Variants in C9orf152 observed in about 807,000 individuals in gnomAD.
The protein encoded by C9orf152 is chromosome 9 open reading frame 152.
In C9orf152, 8 loss-of-function variants were observed where a neutral mutation model predicts 8.5. The ratio of observed to expected loss-of-function variants is 0.94; its 90% CI spans 0.55 to 1.70. The LOEUF is 1.70. Ranked by LOEUF, C9orf152 falls within the 40% of genes most tolerant of loss-of-function variation. The pLI, the probability that C9orf152 is intolerant of heterozygous loss-of-function variation, is 0.00. For synonymous variants in C9orf152, 109 were observed against 113.0 expected (o/e 0.96, Z 0.22); for missense variants, 293 against 286.2 (o/e 1.02, Z -0.17).
chr9:110,204,179 C>T (rs1837250375), intron 1 of C9orf152, among the ~76,000 whole-genome samples: 1 of 152,206 alleles, frequency 6.6e-6, no homozygotes, highest in Non-Finnish European at 1.5e-5. Flanking sequence ...CACACAGTGT[C>T]TGACTGTGAC....
At chr9:110,204,201 C>A (rs1837250561) in intron 1 of C9orf152, among the ~76,000 whole-genome samples, 1 of 152,172 alleles carries the variant, frequency 6.6e-6, no homozygotes, top group Non-Finnish European at 1.5e-5. Context: ...AAAGCATATT[C>A]CTTTTGGACA....
intron 1 of C9orf152, among the ~76,000 whole-genome samples, chr9:110,204,215 A>G (rs1209901646): frequency 1.3e-5 from 2 of 152,182 alleles, no homozygotes; most frequent in South Asian, 2.1e-4. Context: ...TTGGACACCA[A>G]TCACTGGGAG....
intron 1 of C9orf152, among the ~76,000 whole-genome samples, chr9:110,206,761 T>G (rs1015301337): frequency 6.6e-6 from 1 of 152,220 alleles, no homozygotes; most frequent in Admixed American, 6.5e-5. Context: ...TCCCTCAACC[T>G]GTTCCTCTGT....
Position 110,207,846 on chromosome 9 carries a change from G to T in C9orf152, c.-267C>A. 1 of 419,190 alleles carries T rather than the reference G, an allele frequency of 2.4e-6. No homozygotes were observed. Among genetic ancestry groups the T allele is most frequent in the Non-Finnish European group, 4.2e-6 (1 of 237,806 alleles). The allele number at this position is 419,190 out of a possible 1,614,324, so 26.0% of individuals were successfully genotyped here. On this transcript the variant is annotated 5_prime_UTR_variant, in exon 1 of 2. Transcript: ENST00000400613. ...AAGGAAATGTCAGAGGAAAGAAGGG[G>T]CAGCGAAGGGGGAAAGACTGGAGGA...
intron 1 of C9orf152, among the ~76,000 whole-genome samples, chr9:110,205,967 G>T (rs1473768109): frequency 1.3e-5 from 2 of 151,858 alleles, no homozygotes; most frequent in Admixed American, 6.6e-5. Context: ...GAGGCAGGGA[G>T]AATTGCCTGA....
chr9:110,205,628 C>A (rs1837265826), intron 1 of C9orf152, among the ~76,000 whole-genome samples: 1 of 152,132 alleles, frequency 6.6e-6, no homozygotes, highest in Non-Finnish European at 1.5e-5. Context: ...GGAAACTGAG[C>A]CCCAGAAAAT....
At chr9:110,205,156 C>A (rs151132296) in intron 1 of C9orf152, among the ~76,000 whole-genome samples, 1 of 152,070 alleles carries the variant, frequency 6.6e-6, no homozygotes, top group African/African-American at 2.4e-5. Flanking sequence ...GATGAATAAC[C>A]CCAAATCTAG....
chr9:110,203,995 T>C (rs1430925051), intron 1 of C9orf152, among the ~76,000 whole-genome samples: 1 of 152,112 alleles, frequency 6.6e-6, no homozygotes, highest in Non-Finnish European at 1.5e-5. Flanking sequence ...TGGTCCTGAG[T>C]TCACCACTGA....
In C9orf152 at chr9:110,207,579, TCCGGATCCGGGAGAAAAG is replaced by T; in HGVS notation, c.-18_-1del. 1 of 1,570,374 alleles carries T rather than the reference TCCGGATCCGGGAGAAAAG, an allele frequency of 6.4e-7. No homozygotes were observed. Among genetic ancestry groups the T allele is most frequent in the Non-Finnish European group, 8.6e-7 (1 of 1,162,420 alleles). ...GGGCACGGGCAGGGCAACCCCTCCA[TCCGGATCCGGGAGAAAAG>T]CAAACACAGCTGGGTGGGGCAGGAC... On this transcript the variant is annotated 5_prime_UTR_variant, in exon 1 of 2. Transcript: ENST00000400613.
At chr9:110,207,234 G>A (rs1254669260) in intron 1 of C9orf152, among the ~76,000 whole-genome samples, 153 bp downstream of exon 1, 1 of 152,188 alleles carries the variant, frequency 6.6e-6, no homozygotes, top group African/African-American at 2.4e-5. Flanking sequence ...TTAGCAGGTG[G>A]GACAGCTGAG....
chr9:110,207,799 G>T lies in C9orf152; in HGVS notation c.-220C>A. 2 of 508,088 alleles carry T rather than the reference G, an allele frequency of 3.9e-6. No homozygotes were observed. The highest frequency in any genetic ancestry group is 6.8e-6 in the Non-Finnish European group (2 of 292,632). 31.5% of individuals were successfully genotyped at this position (508,088 alleles called of 1,614,324 possible). A position where few individuals can be genotyped will look rare whatever the true frequency, so the allele number is the denominator to read the frequency against. On this transcript the variant is annotated 5_prime_UTR_variant, in exon 1 of 2. Transcript: ENST00000400613. The stretch of plus-strand genomic sequence containing the variant: ...GAAATGTGGGGGAGGAGAAAGGTGG[G>T]AGACAGTGGCAGTAAGAGGAGAAGG...
At position 110,207,632 on chromosome 9, in the gene C9orf152, G is replaced by A; in HGVS notation, c.-53C>T. On this transcript the variant is annotated 5_prime_UTR_variant, in exon 1 of 2. Transcript: ENST00000400613. ...CTGGGTGGGGCAGGACCTGGGGAGG[G>A]GAGAGAGAGGGAGGGGGCAGTGAGG... is the stretch of plus-strand genomic sequence containing the variant. 7.3e-7 allele frequency: 1 copy of A among 1,367,282 alleles called. No homozygotes were observed. Among genetic ancestry groups the A allele is most frequent in the East Asian group, 2.6e-5 (1 of 38,066 alleles). 84.7% of individuals were successfully genotyped at this position (1,367,282 alleles called of 1,614,324 possible). A position where few individuals can be genotyped will look rare whatever the true frequency, so the allele number is the denominator to read the frequency against.
At chr9:110,203,456 CCTGTTCAG>C (rs1837243928) in intron 1 of C9orf152, among the ~76,000 whole-genome samples, 1 of 152,116 alleles carries the variant, frequency 6.6e-6, no homozygotes, top group African/African-American at 2.4e-5. Context: ...GGTGGACAGG[CCTGTTCAG>C]CTGTCAGTCC....
At chr9:110,201,814 T>A (rs1208240570) in intron 1 of C9orf152, among the ~76,000 whole-genome samples, 1 of 152,112 alleles carries the variant, frequency 6.6e-6, no homozygotes, top group Non-Finnish European at 1.5e-5. Context: ...TGTGTCCTGG[T>A]TGAGTAGAGA....
chr9:110,207,789 A>G lies in C9orf152; in HGVS notation c.-210T>C. 1 of 511,152 alleles carries G rather than the reference A, an allele frequency of 2.0e-6. No homozygotes were observed. Among genetic ancestry groups the G allele is most frequent in the South Asian group, 3.0e-5 (1 of 32,982 alleles). 31.7% of individuals were successfully genotyped at this position (511,152 alleles called of 1,614,324 possible). ...GGGATAGGGAGAAATGTGGGGGAGG[A>G]GAAAGGTGGGAGACAGTGGCAGTAA... On this transcript the variant is annotated 5_prime_UTR_variant, in exon 1 of 2. Coordinates refer to ENST00000400613, the MANE Select transcript of C9orf152 (RefSeq NM_001012993.3).
Position 110,207,794 on chromosome 9 carries a change from G to T in C9orf152, c.-215C>A. The T allele has an allele frequency of 3.9e-6, 2 of 509,626 alleles. No individual in the cohort carries two copies. The highest frequency in any genetic ancestry group is 3.5e-5 in the East Asian group (1 of 28,466). 31.6% of individuals were successfully genotyped at this position (509,626 alleles called of 1,614,324 possible). ...AGGGAGAAATGTGGGGGAGGAGAAA[G>T]GTGGGAGACAGTGGCAGTAAGAGGA... On this transcript the variant is annotated 5_prime_UTR_variant, in exon 1 of 2. Coordinates refer to ENST00000400613, the MANE Select transcript of C9orf152 (RefSeq NM_001012993.3).
chr9:110,206,843 T>G (rs1339821909), intron 1 of C9orf152, among the ~76,000 whole-genome samples: 2 of 152,222 alleles, frequency 1.3e-5, no homozygotes, highest in African/African-American at 4.8e-5. Flanking sequence ...CCTCCTGGAA[T>G]GAAATCTGAG....
rs149319009 is a variant in C9orf152 at position 110,201,158 on chromosome 9, G to A, written c.510C>T (p.Thr170=). 4.5e-5 allele frequency: 73 copies of A among 1,614,016 alleles called. No homozygotes were observed. In the African/African-American group the frequency reaches 6.4e-4, roughly 14 times the overall value. The change falls in exon 2 of 2, where the codon ACC becomes ACT. Residue 170 remains threonine (T), a synonymous_variant. Transcript: ENST00000400613. ...FETNQMTQQG[T]GIPEAAQLPC... ...GAAGCTGGGCAGCCTCTGGGATTCC[G>A]GTTCCTTGCTGAGTCATCTGATTGG...
rs1837219795 is a variant in C9orf152, at chr9:110,201,416, C to T, written c.252G>A (p.Glu84=). 1.3e-6 allele frequency: 2 copies of T among 1,551,804 alleles called. No individual in the cohort carries two copies. The highest frequency in any genetic ancestry group is 4.0e-5 in the Admixed American group (2 of 49,610). Residue 84 remains glutamate (E), a synonymous_variant, in exon 2 of 2, where the codon GAG becomes GAA. Transcript: ENST00000400613. ...CTTCCAGGGACAGTGAGCTTCTTCT[C>T]TCCTTGTTAATCCAAACAGCATTGA... ...SMVNAVWINK[E]RRSSLSLEEA... is the part of the protein sequence containing the mutation.
Sources: allele counts gnomAD v4.1 joint callset (sites outside exome capture counted in the v4.1 genomes callset), GRCh38; gene constraint gnomAD v4.1.1; transcripts MANE v1.5; gene names NCBI Gene and HGNC (gene_info 2026-07-23, HGNC 2026-07-21).